Variants in TAF1 observed in about 807,000 individuals in gnomAD.
The protein encoded by TAF1 is transcription initiation factor TFIID subunit 1.
In TAF1, 2 loss-of-function variants were observed where a neutral mutation model predicts 138.5. The ratio of observed to expected loss-of-function variants is 0.01; its 90% confidence interval spans 0.01 to 0.05. The LOEUF (loss-of-function observed/expected upper bound fraction) is 0.05. TAF1 is among the 10% of genes least tolerant of loss of function. The pLI is 1.00. For synonymous variants in TAF1, 437 were observed against 503.2 expected (o/e 0.87, Z 1.76); for missense variants, 709 against 1,478.0 (o/e 0.48, Z 8.53).
intron 13 of TAF1, among the ~76,000 whole-genome samples, chrX:71,478,882 G>A (rs974603600): frequency 8.9e-6 from 1 of 111,993 alleles, no homozygotes; most frequent in African/African-American, 3.2e-5. Context: ...TGATCCGCCC[G>A]CCTTGGCCTC....
At chrX:71,494,220 C>T (rs1470802775) in intron 13 of TAF1, among the ~76,000 whole-genome samples, 2 of 110,488 alleles carry the variant, frequency 1.8e-5, no homozygotes, top group African/African-American at 3.3e-5. Flanking sequence ...GTTAGGAGAT[C>T]GAGACCAGCC....
In TAF1 at chrX:71,517,990, A is replaced by C. The variant is rs769375195; in HGVS notation, c.1367-10552A>C. ...AAAAATTAAAAAATTAAGACTGGGC[A>C]CAGTAGTCCCAGCACCTTGGGAGGC... is the stretch of plus-strand genomic sequence containing the variant. On this transcript the variant is annotated intron_variant and NMD_transcript_variant, in intron 13 of 14. Transcript: ENST00000373775. 1.5e-4 allele frequency among the ~76,000 whole-genome samples: 16 copies of C among 110,263 alleles called. No homozygotes were observed. In the East Asian group the frequency reaches 2.3e-3, roughly 16 times the overall value.
intron 18 of TAF1, among the ~76,000 whole-genome samples, chrX:71,390,444 T>C (rs760750295): frequency 1.8e-5 from 2 of 112,279 alleles, no homozygotes; most frequent in East Asian, 5.6e-4. Context: ...GAAGCTTTCC[T>C]GGACTTTTCC....
At chrX:71,389,413 A>G (rs967029326) in intron 17 of TAF1, among the ~76,000 whole-genome samples, 172 bp from the exon 18 acceptor site, 18 of 111,997 alleles carry the variant, frequency 1.6e-4, no homozygotes, top group Admixed American at 1.3e-3. Flanking sequence ...GGCATGTTGT[A>G]ATGTATCTTA....
At chrX:71,441,000 A>C (rs2037390118) in intron 32 of TAF1, among the ~76,000 whole-genome samples, 1 of 109,295 alleles carries the variant, frequency 9.1e-6, no homozygotes, top group African/African-American at 3.3e-5. Context: ...TCCTGGGTTC[A>C]AGCAATTCTT....
At chrX:71,451,504 A>C (rs1272895102) in intron 32 of TAF1, among the ~76,000 whole-genome samples, 1 of 73,709 alleles carries the variant, frequency 1.4e-5, no homozygotes, top group African/African-American at 5.2e-5. Flanking sequence ...TTTTTTATTG[A>C]TCATTCTTGG....
chrX:71,468,277 T>C (rs977206807), downstream of TAF1, among the ~76,000 whole-genome samples: 3 of 109,305 alleles, frequency 2.7e-5, no homozygotes, highest in African/African-American at 1.0e-4. Context: ...AGAATTTTCA[T>C]ACCCTTGCAT....
At chrX:71,410,881 C>T (rs1345350584) in intron 28 of TAF1, among the ~76,000 whole-genome samples, 1 of 111,617 alleles carries the variant, frequency 9.0e-6, no homozygotes, top group Non-Finnish European at 1.9e-5. Flanking sequence ...CTCCTGTGTT[C>T]AAGCGATTCT....
At chrX:71,481,783 TCC>T in intron 13 of TAF1, among the ~76,000 whole-genome samples, 1 of 111,583 alleles carries the variant, frequency 9.0e-6, no homozygotes, top group South Asian at 3.8e-4. Flanking sequence ...GGTCTCGATC[TCC>T]TGACCCCATG....
chrX:71,448,243 C>T (rs865914697), intron 32 of TAF1, among the ~76,000 whole-genome samples: 132 of 111,562 alleles, frequency 1.2e-3, no homozygotes, highest in African/African-American at 4.0e-3. Context: ...CTTTACTATT[C>T]CTGTAGAGGC....
chrX:71,392,391 G>C (rs1232912933), intron 18 of TAF1, among the ~76,000 whole-genome samples, 178 bp from the exon 19 acceptor site: 2 of 111,829 alleles, frequency 1.8e-5, no homozygotes, highest in African/African-American at 3.2e-5. Context: ...TGAGTACTAG[G>C]TAGCTATATT....
intron 32 of TAF1, among the ~76,000 whole-genome samples, chrX:71,450,658 G>A (rs956516771): frequency 8.9e-6 from 1 of 111,744 alleles, no homozygotes; most frequent in African/African-American, 3.3e-5. Context: ...GCATTGTATT[G>A]CCCTATTTGT....
chrX:71,459,952 T>A (rs1409052072), intron 36 of TAF1, among the ~76,000 whole-genome samples: 2 of 112,345 alleles, frequency 1.8e-5, no homozygotes, highest in Admixed American at 1.9e-4. Flanking sequence ...TGGATACTTG[T>A]TAAAGGCTGG....
intron 16 of TAF1, 29 bp from the exon 17 acceptor site, chrX:71,388,709 C>G: frequency 2.5e-6 from 3 of 1,209,246 alleles, no homozygotes; most frequent in Non-Finnish European, 3.4e-6. Flanking sequence ...TCAGAATGGT[C>G]TCATTCTCTA....
intron 2 of TAF1, 99 bp from the exon 3 acceptor site, chrX:71,367,955 G>A: frequency 1.1e-6 from 1 of 929,966 alleles, no homozygotes; most frequent in Non-Finnish European, 1.5e-6. Context: ...ACAGGCGTGA[G>A]CCACCGCATC....
At chrX:71,399,531 C>G (rs2035051198) in intron 24 of TAF1, among the ~76,000 whole-genome samples, 1 of 101,631 alleles carries the variant, frequency 9.8e-6, no homozygotes, top group East Asian at 3.1e-4. Context: ...GCTGGGATTA[C>G]AGGCATAAGC....
intron 32 of TAF1, among the ~76,000 whole-genome samples, chrX:71,431,526 T>C (rs1485466533): frequency 9.0e-6 from 1 of 110,941 alleles, no homozygotes; most frequent in Non-Finnish European, 1.9e-5. Flanking sequence ...GACCATAGAT[T>C]TTATCAGATT....
chrX:71,489,676 C>CA (rs749457938), intron 13 of TAF1, among the ~76,000 whole-genome samples: 360 of 50,890 alleles, frequency 7.1e-3, no homozygotes, highest in South Asian at 0.029. Context: ...AACTCCGTTT[C>CA]AAAAAAAAAA....
chrX:71,436,509 C>G (rs2037154710), intron 32 of TAF1, among the ~76,000 whole-genome samples: 1 of 109,189 alleles, frequency 9.2e-6, no homozygotes, highest in Non-Finnish European at 1.9e-5. Flanking sequence ...CGCGCCTGGC[C>G]TAATTTTTGT....
Sources: allele counts gnomAD v4.1 joint callset (sites outside exome capture counted in the v4.1 genomes callset), GRCh38; gene constraint gnomAD v4.1.1; transcripts MANE v1.5; gene names NCBI Gene and HGNC (gene_info 2026-07-23, HGNC 2026-07-21).